LITAF: variants seen among roughly 807,000 people sequenced by gnomAD.
LITAF encodes lipopolysaccharide-induced tumor necrosis factor-alpha factor.
LITAF carries 9 observed loss-of-function variants against 14.5 expected under a neutral mutation model. The ratio of observed to expected loss-of-function variants is 0.62; its 90% CI spans 0.37 to 1.08. LITAF has a LOEUF of 1.08. Among genes scored for constraint, LITAF ranks in the 50% least tolerant of loss-of-function variants. The probability of loss-of-function intolerance (pLI) is 0.01; values close to 1 mark genes in which losing one functional copy is unlikely to be tolerated. For missense variants in LITAF, 206 were observed against 213.4 expected (o/e 0.97, Z 0.22); for synonymous variants, 98 against 88.2 (o/e 1.11, Z -0.62).
At chr16:11,637,898 C>CTA (rs370179228), upstream of LITAF, among the ~76,000 whole-genome samples, 288 of 27,158 alleles carry the variant, frequency 0.011, 24 homozygotes, top group Middle Eastern at 0.044. Context: ...AAAAAAAAAA[C>CTA]TATATATATA....
rs138326098 is a variant in LITAF, at chr16:11,620,116, C to T, written c.85+13417G>A. On this transcript the variant is annotated intron_variant, in intron 3 of 3. Transcript: ENST00000574848. ...CTGGGAGGCAGAGGCTGCAGAGAGC[C>T]GAGATGGCACCACTGCACTCCAGCC... Among the ~76,000 whole-genome samples the T allele has an allele frequency of 1.2e-3, 183 of 146,480 alleles. 1 individual carries two copies. The highest frequency in any genetic ancestry group is 4.5e-3 in the African/African-American group (174 of 38,766).
upstream of LITAF, among the ~76,000 whole-genome samples, chr16:11,589,657 C>T (rs1185981694): frequency 1.6e-5 from 2 of 124,122 alleles, no homozygotes; most frequent in African/African-American, 6.1e-5. Context: ...GGGTCTCTGT[C>T]ACCCAGGCTG....
intron 1 of LITAF, among the ~76,000 whole-genome samples, chr16:11,579,339 T>C (rs2064694979): frequency 6.6e-6 from 1 of 151,552 alleles, no homozygotes; most frequent in Non-Finnish European, 1.5e-5. Context: ...TAGTCCCAGC[T>C]ACTCGGGAGG....
intron 3 of LITAF, among the ~76,000 whole-genome samples, chr16:11,616,653 C>G (rs888096308): frequency 5.9e-5 from 9 of 152,206 alleles, no homozygotes; most frequent in African/African-American, 2.2e-4. Context: ...TCACAGGCTA[C>G]CCTCTGGCCT....
At chr16:11,618,479 C>A (rs1028916401) in intron 3 of LITAF, among the ~76,000 whole-genome samples, 1 of 152,170 alleles carries the variant, frequency 6.6e-6, no homozygotes. Context: ...CAGCTTCTGT[C>A]GGAACTGAAT....
At position 11,558,464 on chromosome 16, in the gene LITAF, T is replaced by A. The variant is rs2064308317; in HGVS notation, c.-5-1729A>T. On this transcript the variant is annotated intron_variant, in intron 1 of 3. Coordinates refer to ENST00000622633, the MANE Select transcript of LITAF (RefSeq NM_001136472.2). This position sits in a 1 kb window ranked among gnomAD's most constrained non-coding sequence, Gnocchi z 4.1. Reference sequence around the variant, plus strand: ...GGCTCATGCCTGTAATCCCAGTACTTTGGGAGGTTGAGGCAGGAGGATCAC... The same window carrying A: ...GGCTCATGCCTGTAATCCCAGTACTATGGGAGGTTGAGGCAGGAGGATCAC... Among the ~76,000 whole-genome samples, 1 of 151,962 alleles carries A rather than the reference T, an allele frequency of 6.6e-6. No homozygotes were observed. The highest frequency in any genetic ancestry group is 1.5e-5 in the Non-Finnish European group (1 of 67,980).
intron 3 of LITAF, among the ~76,000 whole-genome samples, chr16:11,615,345 T>C (rs1238063026): frequency 6.6e-6 from 1 of 152,150 alleles, no homozygotes; most frequent in East Asian, 1.9e-4. Flanking sequence ...AAGACCAGCC[T>C]GGTCAACATG....
chr16:11,579,736 A>G (rs1275673096), intron 1 of LITAF, among the ~76,000 whole-genome samples: 1 of 152,174 alleles, frequency 6.6e-6, no homozygotes, highest in Non-Finnish European at 1.5e-5. Context: ...TCCCTGTACT[A>G]ACTTCACAAC....
intron 3 of LITAF, among the ~76,000 whole-genome samples, chr16:11,625,191 G>T (rs1214350285): frequency 6.6e-6 from 1 of 152,014 alleles, no homozygotes; most frequent in African/African-American, 2.4e-5. Flanking sequence ...CAAAGCAGTG[G>T]CCGTGACTCT....
At chr16:11,621,487 G>C (rs930966487) in intron 3 of LITAF, among the ~76,000 whole-genome samples, 1 of 152,188 alleles carries the variant, frequency 6.6e-6, no homozygotes, top group Non-Finnish European at 1.5e-5. Context: ...TTACAGGCAT[G>C]AGCCACCGCT....
intron 1 of LITAF, among the ~76,000 whole-genome samples, chr16:11,592,611 A>G (rs954251430): frequency 8.6e-5 from 13 of 151,758 alleles, no homozygotes; most frequent in Non-Finnish European, 1.5e-4. Context: ...ACTTGAGTAG[A>G]CCTTACCCCC....
upstream of LITAF, among the ~76,000 whole-genome samples, chr16:11,599,371 G>T (rs1470221218): frequency 6.6e-6 from 1 of 152,094 alleles, no homozygotes; most frequent in Non-Finnish European, 1.5e-5. Flanking sequence ...ACCCACCTCG[G>T]ACTGCCAAAG....
chr16:11,553,718 G>A lies in LITAF; in HGVS notation c.221-29C>T, dbSNP rs745983457. On this transcript the variant is annotated intron_variant, in intron 2 of 3. Coordinates refer to ENST00000622633, the MANE Select transcript of LITAF (RefSeq NM_001136472.2). This position sits in a 1 kb window ranked among gnomAD's most constrained non-coding sequence, Gnocchi z 7.7. ...ATGAAAGGGAGAGGGACAAACACAG[G>A]TTGCTCAGGAAACAAGGCCAATAGC... is the stretch of plus-strand genomic sequence containing the variant. 2.5e-6 allele frequency: 4 copies of A among 1,613,650 alleles called. No individual in the cohort carries two copies. Among genetic ancestry groups the A allele is most frequent in the East Asian group, 2.2e-5 (1 of 44,868 alleles).
At chr16:11,567,117 G>C (rs770904927) in intron 1 of LITAF, among the ~76,000 whole-genome samples, 1 of 152,062 alleles carries the variant, frequency 6.6e-6, no homozygotes, top group Non-Finnish European at 1.5e-5. Flanking sequence ...AGATCAAGTC[G>C]GGATAAAACA....
intron 1 of LITAF, among the ~76,000 whole-genome samples, chr16:11,595,830 A>G (rs2064881214): frequency 6.6e-6 from 1 of 152,220 alleles, no homozygotes; most frequent in Non-Finnish European, 1.5e-5. Flanking sequence ...GGTCATTTGT[A>G]TAAGTATGTC....
At chr16:11,571,305 G>A (rs941753935) in intron 1 of LITAF, among the ~76,000 whole-genome samples, 3 of 152,188 alleles carry the variant, frequency 2.0e-5, no homozygotes, top group African/African-American at 7.2e-5. Context: ...AACCTCAGGT[G>A]ATTCGCCTGC....
chr16:11,596,262 C>T (rs533468163), intron 1 of LITAF, among the ~76,000 whole-genome samples: 71 of 152,172 alleles, frequency 4.7e-4, no homozygotes, highest in Non-Finnish European at 7.9e-4. Context: ...GCCCGGGTTA[C>T]CTGCTTCAGG....
chr16:11,636,720 T>C (rs2065139852), upstream of LITAF, among the ~76,000 whole-genome samples: 1 of 143,994 alleles, frequency 6.9e-6, no homozygotes, highest in South Asian at 2.1e-4. Flanking sequence ...CATTCACCTG[T>C]GCAATCTTCC....
At chr16:11,633,330 ATAG>A (rs1234510254) in intron 3 of LITAF, among the ~76,000 whole-genome samples, 1 of 152,132 alleles carries the variant, frequency 6.6e-6, no homozygotes, top group East Asian at 1.9e-4. Context: ...TCATTTGCAA[ATAG>A]TAGTGTCAGA....
Sources: allele counts gnomAD v4.1 joint callset (sites outside exome capture counted in the v4.1 genomes callset), GRCh38; gene constraint gnomAD v4.1.1; non-coding constraint Gnocchi (gnomAD v3.1); transcripts MANE v1.5; gene names NCBI Gene and HGNC (gene_info 2026-07-23, HGNC 2026-07-21).